Variants in CACNA1A observed in about 807,000 individuals in gnomAD.
CACNA1A encodes the protein calcium voltage-gated channel subunit alpha1 A, also known as voltage-dependent P/Q-type calcium channel subunit alpha-1A.
In CACNA1A, 57 loss-of-function variants were observed where a neutral mutation model predicts 262.4. That is an observed-to-expected ratio of 0.22 (90% CI 0.18 to 0.27). The LOEUF is 0.27. Ranked by LOEUF, CACNA1A falls within the 10% of genes least tolerant of loss-of-function variation. The probability of loss-of-function intolerance (pLI) is 1.00; values close to 1 mark genes in which losing one functional copy is unlikely to be tolerated. For synonymous variants in CACNA1A, 1,431 were observed against 1,419.3 expected, an observed-to-expected ratio of 1.01 and a Z score of -0.18; for missense variants, 2,526 against 3,562.8, an observed-to-expected ratio of 0.71 and a Z score of 7.41.
At chr19:13,251,287 T>G (rs1039122726) in intron 30 of CACNA1A, among the ~76,000 whole-genome samples, 2 of 151,188 alleles carry the variant, frequency 1.3e-5, no homozygotes, top group East Asian at 1.9e-4. Context: ...ATCAAGACCA[T>G]CCTGGCCAAC....
chr19:13,452,066 C>T (rs1480519446), intron 3 of CACNA1A: 1 of 152,182 alleles, frequency 6.6e-6, no homozygotes, highest in African/African-American at 2.4e-5. Flanking sequence ...AACTCCTGAG[C>T]TCAAGTGATC....
intron 17 of CACNA1A, among the ~76,000 whole-genome samples, chr19:13,302,007 G>A (rs895077898): frequency 1.3e-5 from 2 of 152,042 alleles, no homozygotes; most frequent in African/African-American, 4.8e-5. Flanking sequence ...ACCAGTGCTG[G>A]GCCCTGGAAT....
At chr19:13,274,787 G>C (rs1012901703) in intron 24 of CACNA1A, 2 of 151,846 alleles carry the variant, frequency 1.3e-5, no homozygotes, top group African/African-American at 2.4e-5. Context: ...GCCACCTTGA[G>C]ATGGCTGCCC....
chr19:13,263,149 A>AC, intron 24 of CACNA1A: 1 of 286,882 alleles, frequency 3.5e-6, no homozygotes, highest in Non-Finnish European at 6.7e-6. Flanking sequence ...CTGATTCCCC[A>AC]CCCCCATTTC....
intron 24 of CACNA1A, among the ~76,000 whole-genome samples, chr19:13,270,768 G>A (rs1236750940): frequency 6.6e-6 from 1 of 152,164 alleles, no homozygotes; most frequent in Non-Finnish European, 1.5e-5. Context: ...GGGTGTGGTA[G>A]GCGTGAGGTT....
intron 1 of CACNA1A, among the ~76,000 whole-genome samples, chr19:13,499,441 A>C (rs376209548): frequency 6.9e-5 from 1 of 14,412 alleles, no homozygotes; most frequent in African/African-American, 3.9e-4. Flanking sequence ...GACCAGTCGC[A>C]GGGGGTGGTG....
chr19:13,336,594 G>GGAGAGAGGGA (rs2058573110), intron 6 of CACNA1A, among the ~76,000 whole-genome samples: 13 of 65,494 alleles, frequency 2.0e-4, no homozygotes, highest in Non-Finnish European at 3.4e-4. Context: ...AGAGAGAGAG[G>GGAGAGAGGGA]GAGAGAGAGA....
At chr19:13,245,375 G>C (rs1310094016) in intron 30 of CACNA1A, 110 bp from the exon 31 acceptor site, 2 of 812,460 alleles carry the variant, frequency 2.5e-6, no homozygotes, top group East Asian at 5.0e-5. Context: ...CGGAGTGCCC[G>C]GGACAGTTAT....
rs763446754 is a variant in CACNA1A, at chr19:13,245,671, C to CTTT, written c.4867-409_4867-407dup. On this transcript the variant is annotated intron_variant, in intron 30 of 46. Transcript: ENST00000360228. ...ACCCATTTTCTTTTTCTTTCTTTCT[C>CTTT]TTTTTTTTTTTTTTTTTTGAGATGG... 721 of 115,848 alleles carry CTTT rather than the reference C, an allele frequency of 6.2e-3. 13 individuals carry two copies. Among genetic ancestry groups the CTTT allele is most frequent in the African/African-American group, 0.018 (572 of 31,222 alleles). The allele number at this position is 115,848 out of a possible 1,614,324, so 7.2% of individuals were successfully genotyped here.
At chr19:13,323,555 G>A (rs533160298) in intron 10 of CACNA1A, among the ~76,000 whole-genome samples, 1 of 152,208 alleles carries the variant, frequency 6.6e-6, no homozygotes, top group South Asian at 2.1e-4. Context: ...TCCTCCTCCC[G>A]GGCTCAAGGG....
At chr19:13,292,344 A>G (rs754316666) in intron 19 of CACNA1A, among the ~76,000 whole-genome samples, 4 of 151,934 alleles carry the variant, frequency 2.6e-5, no homozygotes, top group Non-Finnish European at 5.9e-5. Flanking sequence ...CTGGCAAGGT[A>G]GCTCGCTCCT....
Position 13,214,086 on chromosome 19 carries a change from A to T in CACNA1A, c.5940+147T>A. 1.5e-6 allele frequency: 1 copy of T among 648,878 alleles called. No individual in the cohort carries two copies. The highest frequency in any genetic ancestry group is 1.8e-5 in the South Asian group (1 of 55,838). The allele number at this position is 648,878 out of a possible 1,614,324, so 40.2% of individuals were successfully genotyped here. A position where few individuals can be genotyped will look rare whatever the true frequency, so the allele number is the denominator to read the frequency against. On this transcript the variant is annotated intron_variant, in intron 40 of 46. Transcript: ENST00000360228. This position sits in a 1 kb window ranked among gnomAD's most constrained non-coding sequence, Gnocchi z 4.1. Reference sequence around the variant, plus strand: ...TGCCCTGGCCTCTCAAAGCACTGAGATTGCAGGTGTGAGCTGCTGTGCACA... The same window carrying T: ...TGCCCTGGCCTCTCAAAGCACTGAGTTTGCAGGTGTGAGCTGCTGTGCACA...
intron 3 of CACNA1A, among the ~76,000 whole-genome samples, chr19:13,422,640 T>A (rs1484821025): frequency 1.3e-5 from 2 of 152,190 alleles, no homozygotes; most frequent in Non-Finnish European, 2.9e-5. Flanking sequence ...GACTGCCTGT[T>A]TGTGTTCAGC....
intron 34 of CACNA1A, among the ~76,000 whole-genome samples, chr19:13,234,350 C>CAAA (rs71168693): frequency 0.029 from 2,085 of 71,100 alleles, 64 homozygotes; most frequent in Non-Finnish European, 0.033. Context: ...ACTCCATCTC[C>CAAA]AAAAAAAAAA....
Position 13,506,310 on chromosome 19 carries a change from G to A in CACNA1A, c.-86C>T, listed in dbSNP as rs1983040120. 4 of 1,218,524 alleles carry A rather than the reference G, an allele frequency of 3.3e-6. No homozygotes were observed. Among genetic ancestry groups the A allele is most frequent in the South Asian group, 1.9e-5 (1 of 52,342 alleles). 75.5% of individuals were successfully genotyped at this position (1,218,524 alleles called of 1,614,324 possible). ...CCGCCGCCGCCGCCGCTGATGCTGA[G>A]GCTGCCGGGGCTGGGAGCGCGGCGG... On this transcript the variant is annotated 5_prime_UTR_variant, in exon 1 of 47. Coordinates refer to ENST00000360228, the MANE Select transcript of CACNA1A (RefSeq NM_001127222.2).
At chr19:13,365,515 C>T (rs1394353255) in intron 4 of CACNA1A, 46 bp from the exon 5 acceptor site, 4 of 1,570,936 alleles carry the variant, frequency 2.5e-6, no homozygotes, top group East Asian at 2.3e-5. Context: ...GAGCAAGTAC[C>T]CCCAAACCCC....
chr19:13,392,276 G>A (rs2059724209), intron 3 of CACNA1A, among the ~76,000 whole-genome samples: 1 of 152,158 alleles, frequency 6.6e-6, no homozygotes, highest in South Asian at 2.1e-4. Context: ...GAAGGCCAGT[G>A]CATTCACAGT....
Position 13,327,467 on chromosome 19 carries a change from G to C in CACNA1A, c.1345+2777C>G, listed in dbSNP as rs1340075001. 2.7e-5 allele frequency among the ~76,000 whole-genome samples: 4 copies of C among 148,564 alleles called. No homozygotes were observed. The East Asian group carries it at 6.0e-4, about 22-fold the overall frequency. On this transcript the variant is annotated intron_variant, in intron 10 of 46. Coordinates refer to ENST00000360228, the MANE Select transcript of CACNA1A (RefSeq NM_001127222.2). ...ACAGAGGCGGAGGCTGCAGTGAGCC[G>C]AGATGGCACCATTGCTCTCCAGCCT...
intron 3 of CACNA1A, among the ~76,000 whole-genome samples, chr19:13,389,231 G>C (rs1375196566): frequency 6.6e-6 from 1 of 152,146 alleles, no homozygotes; most frequent in Non-Finnish European, 1.5e-5. Flanking sequence ...GCCCCATCCC[G>C]TAGTATCTGT....
Sources: gnomAD v4.1 joint callset for allele counts (sites outside exome capture counted in the v4.1 genomes callset) on GRCh38, gnomAD v4.1.1 for gene constraint, Gnocchi (gnomAD v3.1) non-coding constraint, MANE v1.5 for transcripts, NCBI Gene and HGNC (gene_info 2026-07-23, HGNC 2026-07-21) for gene names.